Variants in EPB41L5 observed in about 807,000 individuals in gnomAD.
EPB41L5 encodes the protein band 4.1-like protein 5.
A neutral mutation model predicts 106.6 loss-of-function variants in EPB41L5; 55 were observed. The observed-to-expected ratio is 0.52, with a 90% CI of 0.42 to 0.65. The LOEUF is 0.65. Among genes scored for constraint, EPB41L5 ranks in the 30% least tolerant of loss-of-function variants. The pLI is 0.00. For synonymous variants in EPB41L5, 297 were observed against 306.7 expected (o/e 0.97, Z 0.33); for missense variants, 871 against 882.1 (o/e 0.99, Z 0.16).
chr2:120,060,966 A>G (rs1342762298), intron 3 of EPB41L5, among the ~76,000 whole-genome samples: 2 of 147,640 alleles, frequency 1.4e-5, no homozygotes, highest in Non-Finnish European at 3.0e-5. Context: ...AAAAATATAT[A>G]TCTGTGCTTG....
At chr2:120,120,497 C>T (rs1009395279) in intron 16 of EPB41L5, among the ~76,000 whole-genome samples, 2 of 148,838 alleles carry the variant, frequency 1.3e-5, no homozygotes, top group African/African-American at 2.5e-5. Flanking sequence ...CAAGTAGAAG[C>T]AGTTACCAAA....
intron 2 of EPB41L5, among the ~76,000 whole-genome samples, chr2:120,019,529 A>G (rs751705305): frequency 6.6e-6 from 1 of 152,160 alleles, no homozygotes; most frequent in Non-Finnish European, 1.5e-5. Context: ...AGTCTGTTTC[A>G]TGTGTCTTTC....
At chr2:120,036,205 C>T (rs894400426) in intron 2 of EPB41L5, among the ~76,000 whole-genome samples, 4 of 152,192 alleles carry the variant, frequency 2.6e-5, no homozygotes, top group Non-Finnish European at 5.9e-5. Context: ...TCCTACCCTT[C>T]CTCCACCAAA....
chr2:120,169,600 C>T (rs1052913273), intron 24 of EPB41L5, among the ~76,000 whole-genome samples: 1 of 152,172 alleles, frequency 6.6e-6, no homozygotes, highest in Non-Finnish European at 1.5e-5. Flanking sequence ...TTCTGTCTCT[C>T]TCTCCCTCTC....
chr2:120,041,725 T>TAC (rs1014691689), intron 2 of EPB41L5, among the ~76,000 whole-genome samples: 1 of 152,170 alleles, frequency 6.6e-6, no homozygotes, highest in African/African-American at 2.4e-5. Context: ...AATTTATCCA[T>TAC]ACACACACAC....
chr2:120,094,435 C>T (rs1449528877), intron 14 of EPB41L5, among the ~76,000 whole-genome samples: 3 of 148,912 alleles, frequency 2.0e-5, no homozygotes, highest in African/African-American at 4.9e-5. Context: ...AGTAATATCT[C>T]CTCCTTCCTT....
intron 16 of EPB41L5, chr2:120,104,057 C>A (rs1285457997): frequency 6.5e-7 from 1 of 1,531,510 alleles, no homozygotes; most frequent in Admixed American, 2.0e-5. Context: ...CCCAACCATC[C>A]AGGCTCTCTG....
intron 16 of EPB41L5, chr2:120,105,786 G>C: frequency 1.0e-6 from 1 of 985,192 alleles, no homozygotes; most frequent in Non-Finnish European, 1.2e-6. Flanking sequence ...TAGCTCAGAT[G>C]ATAATTGCTA....
intron 18 of EPB41L5, among the ~76,000 whole-genome samples, chr2:120,132,266 A>G (rs1039447576): frequency 1.3e-5 from 2 of 152,226 alleles, no homozygotes; most frequent in Non-Finnish European, 2.9e-5. Flanking sequence ...AATAAATTGA[A>G]TGAGATGGAA....
At chr2:120,137,677 C>T (rs2105482681) in intron 18 of EPB41L5, among the ~76,000 whole-genome samples, 1 of 152,094 alleles carries the variant, frequency 6.6e-6, no homozygotes, top group Non-Finnish European at 1.5e-5. Context: ...CCTGAATAGA[C>T]CAATAACAAG....
chr2:120,099,049 G>A (rs1683959525), intron 14 of EPB41L5, among the ~76,000 whole-genome samples: 2 of 152,350 alleles, frequency 1.3e-5, no homozygotes, highest in African/African-American at 4.8e-5. Context: ...CCTTATCCTT[G>A]AAGTTGAGTG....
Position 120,093,256 on chromosome 2 carries a change from T to C in EPB41L5, c.1158T>C (p.Ala386=). Residue 386 remains alanine, a synonymous_variant, in exon 14 of 25, where the codon GCT becomes GCC. Transcript: ENST00000263713. ...TCTTTTTTCTTCTGTTAGCATGTGC[T>C]ACAAAACCTGAAGAACTTAGGTAAG... ...SRRTLQMKAC[A]TKPEELSVHN... is the part of the protein sequence containing the mutation. 6.2e-7 allele frequency: 1 copy of C among 1,613,680 alleles called. No individual in the cohort carries two copies.
intron 20 of EPB41L5, among the ~76,000 whole-genome samples, chr2:120,149,833 T>G (rs1341549553): frequency 6.6e-6 from 1 of 152,132 alleles, no homozygotes; most frequent in Non-Finnish European, 1.5e-5. Context: ...CATTTTCTAT[T>G]TCTCCCAGTA....
Position 120,114,566 on chromosome 2 carries a change from G to A in EPB41L5, c.1338-13122G>A, listed in dbSNP as rs192741394. On this transcript the variant is annotated intron_variant, in intron 16 of 24. Coordinates refer to ENST00000263713, the MANE Select transcript of EPB41L5 (RefSeq NM_020909.4). ...TTATCAGGATATAACCCCATCATCA[G>A]TTGAAGAGCACCTGCATTTCATTCT... is the stretch of plus-strand genomic sequence containing the variant. 2.6e-5 allele frequency among the ~76,000 whole-genome samples: 4 copies of A among 152,268 alleles called. No individual in the cohort carries two copies. In the East Asian group the frequency reaches 7.7e-4, roughly 29 times the overall value.
chr2:120,020,838 T>A (rs1618030), intron 2 of EPB41L5, among the ~76,000 whole-genome samples: 4 of 149,590 alleles, frequency 2.7e-5, no homozygotes, highest in Admixed American at 6.6e-5. Context: ...AAGAGGTTTT[T>A]AAAAACGCAG....
intron 3 of EPB41L5, among the ~76,000 whole-genome samples, chr2:120,054,280 A>T (rs1391137924): frequency 6.6e-6 from 1 of 152,106 alleles, no homozygotes; most frequent in South Asian, 2.1e-4. Flanking sequence ...GTTGAGTTGT[A>T]AGAGTTCTTT....
chr2:120,128,557 A>G (rs1685559270), intron 17 of EPB41L5, among the ~76,000 whole-genome samples: 1 of 152,234 alleles, frequency 6.6e-6, no homozygotes, highest in African/African-American at 2.4e-5. Context: ...GTAGAATACA[A>G]TAATATTTAG....
Position 120,019,061 on chromosome 2 carries a change from C to A in EPB41L5, c.-8-16C>A. Reference sequence around the variant, plus strand: ...ATTTTTTTCCTGATGCCATCTTTTTCTCTCTGTTTTTATAGTGACAAAAAT... The same window carrying A: ...ATTTTTTTCCTGATGCCATCTTTTTATCTCTGTTTTTATAGTGACAAAAAT... On this transcript the variant is annotated splice_polypyrimidine_tract_variant and intron_variant, in intron 1 of 24. Coordinates refer to ENST00000263713, the MANE Select transcript of EPB41L5 (RefSeq NM_020909.4). The A allele has an allele frequency of 6.4e-7, 1 of 1,569,254 alleles. No individual in the cohort carries two copies. Among genetic ancestry groups the A allele is most frequent in the Non-Finnish European group, 8.6e-7 (1 of 1,159,996 alleles).
At chr2:120,026,152 C>G (rs1558803852) in intron 2 of EPB41L5, among the ~76,000 whole-genome samples, 1 of 152,066 alleles carries the variant, frequency 6.6e-6, no homozygotes, top group Non-Finnish European at 1.5e-5. Flanking sequence ...TGAGCTAAAA[C>G]TATAAATCCT....
Sources: allele counts gnomAD v4.1 joint callset (sites outside exome capture counted in the v4.1 genomes callset), GRCh38; gene constraint gnomAD v4.1.1; transcripts MANE v1.5; gene names NCBI Gene and HGNC (gene_info 2026-07-23, HGNC 2026-07-21).